Variants in BCAS3 observed in about 807,000 individuals in gnomAD.
The protein encoded by BCAS3 is BCAS4/BCAS3 fusion.
BCAS3 carries 53 observed loss-of-function variants against 116.1 expected under a neutral mutation model. The ratio of observed to expected loss-of-function variants is 0.46; its 90% CI spans 0.37 to 0.57. The LOEUF (loss-of-function observed/expected upper bound fraction) is 0.57. Ranked by LOEUF, BCAS3 falls within the 20% of genes least tolerant of loss-of-function variation. BCAS3 has a pLI of 0.00. For missense variants in BCAS3, 917 were observed against 1,165.4 expected, an observed-to-expected ratio of 0.79 and a Z score of 3.10; for synonymous variants, 391 against 408.2, an observed-to-expected ratio of 0.96 and a Z score of 0.51.
intron 14 of BCAS3, among the ~76,000 whole-genome samples, chr17:60,953,074 A>G (rs1249786440): frequency 2.0e-5 from 3 of 151,826 alleles, no homozygotes; most frequent in Admixed American, 2.0e-4. Context: ...TGCAGTGAAC[A>G]TGTGCATGCA....
intron 5 of BCAS3, among the ~76,000 whole-genome samples, chr17:60,742,743 T>A (rs2041688055): frequency 6.6e-6 from 1 of 151,520 alleles, no homozygotes; most frequent in African/African-American, 2.4e-5. Flanking sequence ...CTCCTTGACA[T>A]CTTAAGAGCT....
intron 22 of BCAS3, among the ~76,000 whole-genome samples, chr17:61,295,632 G>T (rs939409831): frequency 2.1e-4 from 32 of 152,204 alleles, no homozygotes; most frequent in Admixed American, 2.0e-3. Context: ...CTGTCGTGTT[G>T]GGATGTCCAT....
intron 14 of BCAS3, among the ~76,000 whole-genome samples, chr17:60,977,626 A>G (rs892603546): frequency 4.0e-5 from 6 of 151,310 alleles, no homozygotes; most frequent in Non-Finnish European, 8.8e-5. Context: ...AGCATTAGGT[A>G]TATCTCCCAA....
At chr17:61,066,823 A>G (rs1397822241) in intron 19 of BCAS3, among the ~76,000 whole-genome samples, 2 of 152,138 alleles carry the variant, frequency 1.3e-5, no homozygotes, top group Non-Finnish European at 2.9e-5. Flanking sequence ...GTAATAACTC[A>G]TTCTCGGAAT....
chr17:61,370,771 ACATT>A (rs1195821819), intron 23 of BCAS3, among the ~76,000 whole-genome samples: 1 of 152,224 alleles, frequency 6.6e-6, no homozygotes, highest in African/African-American at 2.4e-5. Flanking sequence ...ATCACTTTTC[ACATT>A]TTCCAACTAG....
intron 22 of BCAS3, among the ~76,000 whole-genome samples, chr17:61,102,654 G>A (rs762441281): frequency 1.5e-4 from 23 of 152,134 alleles, no homozygotes; most frequent in Non-Finnish European, 2.1e-4. Flanking sequence ...TAATGCAAGT[G>A]CATGAGCTTT....
chr17:60,692,911 A>C (rs2035051979), intron 4 of BCAS3, among the ~76,000 whole-genome samples: 1 of 150,804 alleles, frequency 6.6e-6, no homozygotes, highest in Non-Finnish European at 1.5e-5. Flanking sequence ...AGAAAAAAGA[A>C]AGAAAAGTTC....
intron 22 of BCAS3, among the ~76,000 whole-genome samples, chr17:61,225,520 T>C (rs1294111405): frequency 6.6e-6 from 1 of 152,160 alleles, no homozygotes; most frequent in Non-Finnish European, 1.5e-5. Context: ...TCATAAGGCC[T>C]TTTTCTTCTT....
At chr17:60,940,963 T>C (rs372253562) in intron 13 of BCAS3, among the ~76,000 whole-genome samples, 14 of 152,346 alleles carry the variant, frequency 9.2e-5, no homozygotes, top group African/African-American at 3.1e-4. Context: ...TTTTGCTTTT[T>C]GGGTTAACCA....
rs2047471390 is a variant in BCAS3, at chr17:61,241,068, A to C, written c.2426-127259A>C. ...GCCCCCTCAGTTCTCACTCTCCATC[A>C]CTTACCCTTCAAAAGACTCTGAATA... On this transcript the variant is annotated intron_variant, in intron 22 of 23. Transcript: ENST00000407086. This position sits in a 1 kb window ranked among gnomAD's most constrained non-coding sequence, Gnocchi z 4.6. Among the ~76,000 whole-genome samples, 1 of 152,226 alleles carries C rather than the reference A, an allele frequency of 6.6e-6. No individual in the cohort carries two copies. The highest frequency in any genetic ancestry group is 6.5e-5 in the Admixed American group (1 of 15,278).
chr17:61,214,806 A>G lies in BCAS3; in HGVS notation c.2425+130242A>G, dbSNP rs1270267891. The stretch of plus-strand genomic sequence containing the variant: ...CCACAAGCCAGTGGCTTTTCTGGAA[A>G]TTACTGAAAGCTAATTCTTCAGAAG... On this transcript the variant is annotated intron_variant, in intron 22 of 23. Coordinates refer to ENST00000407086, the MANE Select transcript of BCAS3 (RefSeq NM_017679.5). This position sits in a 1 kb window ranked among gnomAD's most constrained non-coding sequence, Gnocchi z 4.4. Among the ~76,000 whole-genome samples, 1 of 152,258 alleles carries G rather than the reference A, an allele frequency of 6.6e-6. No individual in the cohort carries two copies. The highest frequency in any genetic ancestry group is 1.5e-5 in the Non-Finnish European group (1 of 68,032).
intron 6 of BCAS3, among the ~76,000 whole-genome samples, chr17:60,765,360 T>A (rs574276117): frequency 1.2e-4 from 18 of 152,314 alleles, no homozygotes; most frequent in African/African-American, 4.3e-4. Context: ...AGTGATTCCT[T>A]CAGGAGCTCT....
rs71148387 is a variant in BCAS3, at chr17:61,190,526, CAAAAAAAAAA to C, written c.2425+105977_2425+105986del. ...TGGGCTATGGAACAAGACTCCATCT[CAAAAAAAAAA>C]AAAAAAAAAAAAAAGACTAGCCTGG... On this transcript the variant is annotated intron_variant, in intron 22 of 23. Coordinates refer to ENST00000407086, the MANE Select transcript of BCAS3 (RefSeq NM_017679.5). Among the ~76,000 whole-genome samples the C allele has an allele frequency of 9.1e-5, 4 of 43,906 alleles. No individual in the cohort carries two copies. The South Asian group carries it at 6.1e-3, about 67-fold the overall frequency. The allele number at this position is 43,906 out of a possible 152,430, so 28.8% of individuals were successfully genotyped here.
At chr17:60,911,785 A>G (rs1206965937) in intron 12 of BCAS3, among the ~76,000 whole-genome samples, 1 of 152,242 alleles carries the variant, frequency 6.6e-6, no homozygotes, top group African/African-American at 2.4e-5. Flanking sequence ...AGGAATTTAT[A>G]AACAAATTAA....
rs2145449279 is a variant in BCAS3, at chr17:60,994,787, T to G, written c.1486+4552T>G. On this transcript the variant is annotated intron_variant, in intron 15 of 23. Coordinates refer to ENST00000407086, the MANE Select transcript of BCAS3 (RefSeq NM_017679.5). This position sits in a 1 kb window ranked among gnomAD's most constrained non-coding sequence, Gnocchi z 4.4. ...CTAAGCAAGCTAAAATATTACTGCCTCTCTTAAGCCTTCTTTTGATTTTTA... is the reference window on the plus strand; with the variant it reads ...CTAAGCAAGCTAAAATATTACTGCCGCTCTTAAGCCTTCTTTTGATTTTTA... Among the ~76,000 whole-genome samples, 1 of 152,326 alleles carries G rather than the reference T, an allele frequency of 6.6e-6. No homozygotes were observed. The highest frequency in any genetic ancestry group is 2.4e-5 in the African/African-American group (1 of 41,580).
intron 6 of BCAS3, among the ~76,000 whole-genome samples, chr17:60,778,172 T>C (rs1215505987): frequency 6.8e-6 from 1 of 146,112 alleles, no homozygotes; most frequent in Non-Finnish European, 1.5e-5. Context: ...TCCAATTATC[T>C]TTTTTTTTTT....
Position 61,391,874 on chromosome 17 carries a change from T to C in BCAS3, c.2594-103T>C. On this transcript the variant is annotated intron_variant, in intron 23 of 23. Coordinates refer to ENST00000407086, the MANE Select transcript of BCAS3 (RefSeq NM_017679.5). The surrounding 1 kb of genome is among the most constrained non-coding windows in gnomAD (Gnocchi z 7.7). ...GGATCCCCCTGCGGAAGGACACAAG[T>C]GAACCCAGAATGGTGCCTCAAGGCA... 1.5e-6 allele frequency: 2 copies of C among 1,306,824 alleles called. No individual in the cohort carries two copies. Among genetic ancestry groups the C allele is most frequent in the Non-Finnish European group, 2.1e-6 (2 of 942,644 alleles). The allele number at this position is 1,306,824 out of a possible 1,614,324, so 81.0% of individuals were successfully genotyped here. A position where few individuals can be genotyped will look rare whatever the true frequency, so the allele number is the denominator to read the frequency against.
chr17:61,008,041 G>GACACAC lies in BCAS3; in HGVS notation c.1487-7692_1487-7687dup, dbSNP rs149531395. On this transcript the variant is annotated intron_variant, in intron 15 of 23. Coordinates refer to ENST00000407086, the MANE Select transcript of BCAS3 (RefSeq NM_017679.5). The surrounding 1 kb of genome is among the most constrained non-coding windows in gnomAD (Gnocchi z 4.6). The stretch of plus-strand genomic sequence containing the variant: ...CTTTAAAAATGTGTGTCTGTGTGTC[G>GACACAC]ACACACACACACACACACACACATA... Among the ~76,000 whole-genome samples, 20 of 149,318 alleles carry GACACAC rather than the reference G, an allele frequency of 1.3e-4. No homozygotes were observed. Among genetic ancestry groups the GACACAC allele is most frequent in the African/African-American group, 2.4e-4 (10 of 40,922 alleles).
At position 60,700,185 on chromosome 17, in the gene BCAS3, A is replaced by AAAAAAAAAAAG. The variant is rs1319555739; in HGVS notation, c.215-9034_215-9033insAAAAAAAAAAG. Among the ~76,000 whole-genome samples the AAAAAAAAAAAG allele has an allele frequency of 1.0e-4, 15 of 147,062 alleles. 1 individual carries two copies. The highest frequency in any genetic ancestry group is 4.1e-4 in the African/African-American group (15 of 36,916). On this transcript the variant is annotated intron_variant, in intron 4 of 23. Transcript: ENST00000407086. ...TGAGACCCTGTCTCAAAAAAAAAAAAGAAGCAGTTCAACTCTTACGTGAAG... is the reference window on the plus strand; with the variant it reads ...TGAGACCCTGTCTCAAAAAAAAAAAAAAAAAAAAAAGGAAGCAGTTCAACTCTTACGTGAAG...
Sources: allele counts gnomAD v4.1 joint callset (sites outside exome capture counted in the v4.1 genomes callset), GRCh38; gene constraint gnomAD v4.1.1; non-coding constraint Gnocchi (gnomAD v3.1); transcripts MANE v1.5; gene names NCBI Gene and HGNC (gene_info 2026-07-23, HGNC 2026-07-21).